Variants in EPHB1 observed in about 807,000 individuals in gnomAD.
EPHB1 encodes EPH receptor B1.
A neutral mutation model predicts 94.4 loss-of-function variants in EPHB1; 30 were observed. That is an observed-to-expected ratio of 0.32 (90% CI 0.24 to 0.43). The LOEUF (loss-of-function observed/expected upper bound fraction) is 0.43. Among genes scored for constraint, EPHB1 ranks in the 20% least tolerant of loss-of-function variants. The pLI is 1.00. For synonymous variants in EPHB1, 522 were observed against 489.1 expected (o/e 1.07, Z -0.89); for missense variants, 1,055 against 1,308.3 (o/e 0.81, Z 2.99).
intron 1 of EPHB1, among the ~76,000 whole-genome samples, chr3:134,838,058 T>C (rs2036708748): frequency 6.6e-6 from 1 of 152,092 alleles, no homozygotes; most frequent in Non-Finnish European, 1.5e-5. Context: ...CAGGATTATG[T>C]GGGAGGCTGT....
Position 134,988,887 on chromosome 3 carries a change from G to C in EPHB1, c.805+36835G>C, listed in dbSNP as rs1007731071. Among the ~76,000 whole-genome samples, 22 of 152,312 alleles carry C rather than the reference G, an allele frequency of 1.4e-4. 1 individual carries two copies. The highest frequency in any genetic ancestry group is 4.3e-4 in the African/African-American group (18 of 41,578). ...TGGTAGGAGAAAAGAGTAGAAGGCA[G>C]AACAGGAGATGTTTCACAATGCAGC... On this transcript the variant is annotated intron_variant, in intron 3 of 15. Transcript: ENST00000398015.
chr3:134,839,623 ATGACCTCCTGCCAGGCTGACTC>A (rs751652216), intron 1 of EPHB1, among the ~76,000 whole-genome samples: 2 of 152,036 alleles, frequency 1.3e-5, no homozygotes, highest in Non-Finnish European at 2.9e-5. Context: ...AGACTGAGTC[ATGACCTCCTGCCAGGCTGACTC>A]TGACTGGAGT....
At chr3:134,997,857 G>T (rs1169193763) in intron 3 of EPHB1, among the ~76,000 whole-genome samples, 1 of 152,150 alleles carries the variant, frequency 6.6e-6, no homozygotes, top group Non-Finnish European at 1.5e-5. Context: ...CAGTAGAATG[G>T]TGTTCCCATT....
chr3:135,008,999 A>G (rs775470751), intron 3 of EPHB1, among the ~76,000 whole-genome samples: 4 of 152,208 alleles, frequency 2.6e-5, no homozygotes, highest in Non-Finnish European at 4.4e-5. Flanking sequence ...GCGTGGACTT[A>G]TGGATCCCAT....
chr3:134,918,159 C>T lies in EPHB1; in HGVS notation c.59-7657C>T, dbSNP rs187804036. On this transcript the variant is annotated intron_variant, in intron 1 of 15. Coordinates refer to ENST00000398015, the MANE Select transcript of EPHB1 (RefSeq NM_004441.5). ...AGATATATAAAGTGATAACGAAAAC[C>T]AACCATTCAAACAGTACGAGTTCTG... 3.7e-4 allele frequency among the ~76,000 whole-genome samples: 56 copies of T among 152,284 alleles called. 1 individual carries two copies. The highest frequency in any genetic ancestry group is 1.0e-3 in the Admixed American group (16 of 15,296).
chr3:134,922,337 G>A (rs2038704982), intron 1 of EPHB1, among the ~76,000 whole-genome samples: 1 of 152,174 alleles, frequency 6.6e-6, no homozygotes. Flanking sequence ...AGCTCTCTGT[G>A]CCAGAAAAGA....
At chr3:134,980,795 T>G (rs1012411444) in intron 3 of EPHB1, among the ~76,000 whole-genome samples, 1 of 152,210 alleles carries the variant, frequency 6.6e-6, no homozygotes, top group Non-Finnish European at 1.5e-5. Context: ...GGCTAGGGGC[T>G]TAAGTATTAT....
intron 1 of EPHB1, among the ~76,000 whole-genome samples, chr3:134,824,979 G>T (rs1277490630): frequency 2.0e-5 from 3 of 152,220 alleles, no homozygotes; most frequent in African/African-American, 7.2e-5. Context: ...GAACTATCCA[G>T]TTGGGCCTGG....
intron 4 of EPHB1, among the ~76,000 whole-genome samples, chr3:135,129,794 G>C (rs373689864): frequency 2.6e-5 from 4 of 152,216 alleles, no homozygotes; most frequent in East Asian, 3.8e-4. Flanking sequence ...TGAAGAGTGA[G>C]CAGGAGTTCA....
chr3:135,032,987 T>A (rs4955537), intron 3 of EPHB1, among the ~76,000 whole-genome samples: 38,735 of 152,154 alleles, frequency 0.25, 6,420 homozygotes, highest in East Asian at 0.71. Context: ...ACCTTTTCTC[T>A]TCTTTATTGT....
rs574520444 is a variant in EPHB1, at chr3:134,850,430, G to A, written c.58+54741G>A. Among the ~76,000 whole-genome samples the A allele has an allele frequency of 2.0e-5, 3 of 152,326 alleles. No individual in the cohort carries two copies. In the East Asian group the frequency reaches 5.8e-4, roughly 29 times the overall value. ...ACGCCTGACCTCTGGCTGGGTGAGA[G>A]CTTCTCTGAGAAAGAGGGATGTTTC... is the stretch of plus-strand genomic sequence containing the variant. On this transcript the variant is annotated intron_variant, in intron 1 of 15. Coordinates refer to ENST00000398015, the MANE Select transcript of EPHB1 (RefSeq NM_004441.5).
At chr3:135,169,488 C>T (rs1312690164) in intron 9 of EPHB1, among the ~76,000 whole-genome samples, 5 of 152,226 alleles carry the variant, frequency 3.3e-5, no homozygotes, top group Non-Finnish European at 5.9e-5. Context: ...TCTCTAAACT[C>T]AGTCTCATGC....
rs537312497 is a variant in EPHB1 at position 135,163,010 on chromosome 3, C to T, written c.1585+830C>T. On this transcript the variant is annotated intron_variant, in intron 7 of 15. Coordinates refer to ENST00000398015, the MANE Select transcript of EPHB1 (RefSeq NM_004441.5). ...TATGAGCTGTTTCCTGATAGTTTTC[C>T]AAATGTCAGTCTATTCCTGACTCCC... 1.6e-3 allele frequency among the ~76,000 whole-genome samples: 238 copies of T among 152,222 alleles called. 1 individual carries two copies. Among genetic ancestry groups the T allele is most frequent in the Non-Finnish European group, 2.9e-3 (199 of 68,014 alleles).
intron 3 of EPHB1, among the ~76,000 whole-genome samples, chr3:135,045,453 A>G (rs942920493): frequency 7.2e-5 from 11 of 152,244 alleles, no homozygotes; most frequent in African/African-American, 2.7e-4. Context: ...TGCAAGGACA[A>G]GCACTCGTGT....
chr3:134,811,251 T>TTTTTTG (rs2036171888), intron 1 of EPHB1, among the ~76,000 whole-genome samples: 2 of 97,156 alleles, frequency 2.1e-5, no homozygotes, highest in African/African-American at 7.2e-5. Context: ...GGTTTTTTTT[T>TTTTTTG]TTTTTTTTTT....
At chr3:135,166,906 C>T in intron 8 of EPHB1, 36 bp from the exon 9 acceptor site, 1 of 1,610,814 alleles carries the variant, frequency 6.2e-7, no homozygotes, top group Non-Finnish European at 8.5e-7. Flanking sequence ...GGTGGGTGTG[C>T]CCTGTGGCTG....
intron 1 of EPHB1, among the ~76,000 whole-genome samples, chr3:134,884,143 G>A (rs909280957): frequency 2.0e-5 from 3 of 152,158 alleles, no homozygotes; most frequent in African/African-American, 7.2e-5. Flanking sequence ...AGACTTCCAA[G>A]CCAGTGATGT....
intron 3 of EPHB1, among the ~76,000 whole-genome samples, chr3:134,975,681 A>C (rs539093367): frequency 1.3e-5 from 2 of 152,298 alleles, no homozygotes; most frequent in South Asian, 2.1e-4. Flanking sequence ...CACTTTATGG[A>C]TAAGGAGTCA....
At chr3:135,095,829 A>C (rs1938738516) in intron 3 of EPHB1, among the ~76,000 whole-genome samples, 1 of 151,948 alleles carries the variant, frequency 6.6e-6, no homozygotes, top group Admixed American at 6.6e-5. Context: ...TCACTAACTT[A>C]CCTTACCTCT....
Sources: allele counts gnomAD v4.1 joint callset (sites outside exome capture counted in the v4.1 genomes callset), GRCh38; gene constraint gnomAD v4.1.1; transcripts MANE v1.5; gene names NCBI Gene and HGNC (gene_info 2026-07-23, HGNC 2026-07-21).